The following CMTM8 variants were observed in gnomAD, a reference collection of about 807,000 sequenced individuals.
CMTM8 encodes the protein CKLF-like MARVEL transmembrane domain-containing protein 8.
Under a neutral mutation model 18.6 loss-of-function variants are expected in CMTM8, and 12 were observed. That is an observed-to-expected ratio of 0.65 (90% CI 0.41 to 1.05). CMTM8 has a LOEUF of 1.05. Ranked by LOEUF, CMTM8 falls within the 50% of genes least tolerant of loss-of-function variation. The probability of loss-of-function intolerance (pLI) is 0.00; values close to 1 mark genes in which losing one functional copy is unlikely to be tolerated. For synonymous variants in CMTM8, 87 were observed against 90.6 expected (o/e 0.96, Z 0.23); for missense variants, 217 against 227.2 (o/e 0.95, Z 0.29).
intron 2 of CMTM8, among the ~76,000 whole-genome samples, chr3:32,359,627 T>C (rs192875071): frequency 3.3e-5 from 5 of 152,228 alleles, no homozygotes; most frequent in African/African-American, 1.2e-4. Flanking sequence ...GGGCCAGATT[T>C]GACCCACAGG....
At chr3:32,355,356 A>T (rs1176511923) in intron 1 of CMTM8, among the ~76,000 whole-genome samples, 5 of 152,140 alleles carry the variant, frequency 3.3e-5, no homozygotes, top group African/African-American at 1.2e-4. Flanking sequence ...TCCAACCCTG[A>T]TCTACTCCAG....
At chr3:32,249,901 T>C (rs903399079) in intron 1 of CMTM8, among the ~76,000 whole-genome samples, 1 of 152,208 alleles carries the variant, frequency 6.6e-6, no homozygotes, top group Non-Finnish European at 1.5e-5. Flanking sequence ...GTCCAATTTT[T>C]ATAGTTTTTC....
intron 1 of CMTM8, among the ~76,000 whole-genome samples, chr3:32,318,855 C>A (rs776494573): frequency 1.3e-5 from 2 of 151,364 alleles, no homozygotes; most frequent in Non-Finnish European, 2.9e-5. Context: ...GCATGAGCCA[C>A]CGCGCCCGGC....
intron 1 of CMTM8, among the ~76,000 whole-genome samples, chr3:32,334,680 C>T (rs1463263355): frequency 1.3e-5 from 2 of 151,916 alleles, no homozygotes; most frequent in Admixed American, 6.6e-5. Flanking sequence ...GAAGCCAACT[C>T]GTGTTTTCTC....
At chr3:32,336,071 G>A (rs114997007) in intron 1 of CMTM8, among the ~76,000 whole-genome samples, 1,833 of 152,304 alleles carry the variant, frequency 0.012, 12 homozygotes, top group Middle Eastern at 0.024. Context: ...TGGCGTCTTT[G>A]GTGGAGGCAA....
At chr3:32,294,447 G>A (rs1384501491) in intron 1 of CMTM8, among the ~76,000 whole-genome samples, 1 of 152,148 alleles carries the variant, frequency 6.6e-6, no homozygotes, top group South Asian at 2.1e-4. Flanking sequence ...CTGCTGCCTT[G>A]TGTGGCTGCC....
At chr3:32,292,893 A>G (rs1702804653) in intron 1 of CMTM8, among the ~76,000 whole-genome samples, 1 of 152,120 alleles carries the variant, frequency 6.6e-6, no homozygotes, top group Non-Finnish European at 1.5e-5. Flanking sequence ...GCGAACGTGC[A>G]TTTTGATTTT....
intron 1 of CMTM8, among the ~76,000 whole-genome samples, chr3:32,262,618 A>C (rs1702273131): frequency 6.6e-6 from 1 of 152,320 alleles, no homozygotes; most frequent in Non-Finnish European, 1.5e-5. Flanking sequence ...CAACCTTTAC[A>C]ACTGACCTGA....
chr3:32,280,057 C>T (rs1702582661), intron 1 of CMTM8, among the ~76,000 whole-genome samples: 1 of 151,840 alleles, frequency 6.6e-6, no homozygotes, highest in Non-Finnish European at 1.5e-5. Context: ...TTTAAGAAAC[C>T]ATAAATCTAT....
At chr3:32,363,388 C>T (rs949188727) in intron 2 of CMTM8, among the ~76,000 whole-genome samples, 3 of 152,166 alleles carry the variant, frequency 2.0e-5, no homozygotes, top group African/African-American at 2.4e-5. Flanking sequence ...GTGGAGGGTA[C>T]TTCTTCCCTT....
At chr3:32,276,233 C>G (rs1702516138) in intron 1 of CMTM8, among the ~76,000 whole-genome samples, 2 of 152,142 alleles carry the variant, frequency 1.3e-5, no homozygotes, top group Non-Finnish European at 2.9e-5. Flanking sequence ...TTCAGGGAAA[C>G]TCTCTCCAGC....
At chr3:32,284,023 G>GGGCGGATCACCTGAGGTC (rs1702642001) in intron 1 of CMTM8, among the ~76,000 whole-genome samples, 1 of 152,228 alleles carries the variant, frequency 6.6e-6, no homozygotes, top group Non-Finnish European at 1.5e-5. Flanking sequence ...GAGCCGAGGT[G>GGGCGGATCACCTGAGGTC]GGCGGATCAC....
intron 1 of CMTM8, among the ~76,000 whole-genome samples, chr3:32,267,923 G>C (rs1436897766): frequency 6.6e-6 from 1 of 152,100 alleles, no homozygotes; most frequent in Non-Finnish European, 1.5e-5. Flanking sequence ...TTAGAATGGC[G>C]ATCATTAAAG....
At position 32,306,365 on chromosome 3, in the gene CMTM8, A is replaced by G. The variant is rs562099573; in HGVS notation, c.148-51008A>G. On this transcript the variant is annotated intron_variant, in intron 1 of 3. Coordinates refer to ENST00000307526, the MANE Select transcript of CMTM8 (RefSeq NM_178868.5). ...TTGGCTAAACCAAGGCACGAGTCCA[A>G]TCCACAAATCCAGTCTGGATTCAAA... Among the ~76,000 whole-genome samples the G allele has an allele frequency of 1.6e-3, 240 of 152,344 alleles. 1 individual carries two copies. Among genetic ancestry groups the G allele is most frequent in the Non-Finnish European group, 2.9e-3 (198 of 68,026 alleles).
rs190808009 is a variant in CMTM8 at position 32,305,826 on chromosome 3, A to G, written c.148-51547A>G. 2.0e-5 allele frequency among the ~76,000 whole-genome samples: 3 copies of G among 152,352 alleles called. No individual in the cohort carries two copies. The East Asian group carries it at 5.8e-4, about 29-fold the overall frequency. On this transcript the variant is annotated intron_variant, in intron 1 of 3. Coordinates refer to ENST00000307526, the MANE Select transcript of CMTM8 (RefSeq NM_178868.5). ...TATTCGTGGGTTAAATATAACAGAA[A>G]TCTTTAATTTTGCATGTTTTTAAAA... is the stretch of plus-strand genomic sequence containing the variant.
chr3:32,257,217 T>C lies in CMTM8; in HGVS notation c.147+18098T>C, dbSNP rs186036845. On this transcript the variant is annotated intron_variant, in intron 1 of 3. Coordinates refer to ENST00000307526, the MANE Select transcript of CMTM8 (RefSeq NM_178868.5). ...GTCTCAAACTCCTGACCTCAAGTGA[T>C]TCACCCACCTCAGCCTCCCAAAGTG... Among the ~76,000 whole-genome samples the C allele has an allele frequency of 2.6e-3, 398 of 152,280 alleles. 3 individuals are homozygous for C. The highest frequency in any genetic ancestry group is 9.0e-3 in the African/African-American group (373 of 41,546).
intron 1 of CMTM8, chr3:32,258,868 ACTATC>A: frequency 4.9e-6 from 1 of 203,546 alleles, no homozygotes; most frequent in Non-Finnish European, 1.0e-5. Context: ...CTTAGAAAGT[ACTATC>A]TCACTACATG....
At chr3:32,294,770 T>C (rs892139511) in intron 1 of CMTM8, among the ~76,000 whole-genome samples, 1 of 152,150 alleles carries the variant, frequency 6.6e-6, no homozygotes, top group Admixed American at 6.5e-5. Context: ...AACACAAAAC[T>C]GTGGCCAGAT....
At chr3:32,291,034 CGCTGT>C (rs1702770783) in intron 1 of CMTM8, among the ~76,000 whole-genome samples, 1 of 152,120 alleles carries the variant, frequency 6.6e-6, no homozygotes, top group Non-Finnish European at 1.5e-5. Context: ...AGGCGTGAAC[CGCTGT>C]GCCTGGCCAA....
Sources: allele counts gnomAD v4.1 joint callset (sites outside exome capture counted in the v4.1 genomes callset), GRCh38; gene constraint gnomAD v4.1.1; transcripts MANE v1.5; gene names NCBI Gene and HGNC (gene_info 2026-07-23, HGNC 2026-07-21).